Variants in DEPTOR observed in about 807,000 individuals in gnomAD.
DEPTOR encodes DEP domain containing MTOR interacting protein, also known as DEP domain-containing mTOR-interacting protein.
Under a neutral mutation model 41.6 loss-of-function variants are expected in DEPTOR, and 41 were observed. The observed-to-expected ratio is 0.98, with a 90% CI of 0.77 to 1.28. DEPTOR has a LOEUF of 1.28. Ranked by LOEUF, DEPTOR falls within the 50% of genes most tolerant of loss-of-function variation. DEPTOR has a pLI of 0.00. For synonymous variants in DEPTOR, 195 were observed against 192.3 expected, an observed-to-expected ratio of 1.01 and a Z score of -0.12; for missense variants, 514 against 527.9, an observed-to-expected ratio of 0.97 and a Z score of 0.26.
intron 1 of DEPTOR, among the ~76,000 whole-genome samples, chr8:119,898,071 C>T (rs1427053510): frequency 6.6e-6 from 1 of 152,140 alleles, no homozygotes; most frequent in Non-Finnish European, 1.5e-5. Flanking sequence ...ACTATGGCTA[C>T]CTGTATAATA....
At chr8:119,963,390 A>G (rs1180472048) in intron 3 of DEPTOR, among the ~76,000 whole-genome samples, 1 of 151,416 alleles carries the variant, frequency 6.6e-6, no homozygotes, top group Non-Finnish European at 1.5e-5. Context: ...TCCCTCTGTC[A>G]CTCAGGCTGG....
chr8:120,033,740 C>T (rs956939073), intron 8 of DEPTOR, among the ~76,000 whole-genome samples: 26 of 152,154 alleles, frequency 1.7e-4, no homozygotes, highest in Non-Finnish European at 2.5e-4. Flanking sequence ...TCCACATCCA[C>T]GTTTTAATTG....
intron 4 of DEPTOR, among the ~76,000 whole-genome samples, chr8:119,966,391 A>G (rs1469685447): frequency 6.6e-6 from 1 of 152,216 alleles, no homozygotes; most frequent in Non-Finnish European, 1.5e-5. Context: ...TGAAGTATAC[A>G]AAAGGATGTG....
chr8:119,956,771 G>A (rs1463526410), intron 3 of DEPTOR, among the ~76,000 whole-genome samples: 5 of 101,272 alleles, frequency 4.9e-5, no homozygotes, highest in Non-Finnish European at 9.0e-5. Flanking sequence ...GTCTCATTCT[G>A]TCACCCAGGC....
chr8:120,016,499 C>T (rs1385757042), intron 8 of DEPTOR, among the ~76,000 whole-genome samples: 2 of 152,148 alleles, frequency 1.3e-5, no homozygotes, highest in East Asian at 3.9e-4. Flanking sequence ...CAGGGTTTCA[C>T]CATGTTGGTC....
At chr8:119,933,478 A>ACC (rs1353955581) in intron 3 of DEPTOR, among the ~76,000 whole-genome samples, 149 of 151,340 alleles carry the variant, frequency 9.8e-4, no homozygotes, top group Admixed American at 8.1e-3. Context: ...ACACACACAC[A>ACC]CACACACACA....
chr8:119,944,980 C>T (rs1300822060), intron 3 of DEPTOR, among the ~76,000 whole-genome samples: 1 of 152,042 alleles, frequency 6.6e-6, no homozygotes, highest in Non-Finnish European at 1.5e-5. Flanking sequence ...GACACCCTTC[C>T]TCTCTGCTTC....
intron 1 of DEPTOR, among the ~76,000 whole-genome samples, chr8:119,899,117 T>C (rs10093746): frequency 6.6e-6 from 1 of 152,190 alleles, no homozygotes. Context: ...AGATAGAAAG[T>C]CATACTGTTC....
chr8:120,005,039 TC>T (rs901590235), intron 6 of DEPTOR, among the ~76,000 whole-genome samples: 5 of 152,150 alleles, frequency 3.3e-5, no homozygotes, highest in African/African-American at 1.2e-4. Context: ...AAAAAAGTTT[TC>T]CCTAGGCCTC....
At chr8:120,037,723 T>C (rs1812999985) in intron 8 of DEPTOR, among the ~76,000 whole-genome samples, 1 of 152,092 alleles carries the variant, frequency 6.6e-6, no homozygotes, top group South Asian at 2.1e-4. Flanking sequence ...GTAATAAACA[T>C]GGTTATTTGT....
chr8:119,882,998 A>G (rs1827317860), intron 1 of DEPTOR, among the ~76,000 whole-genome samples: 1 of 152,102 alleles, frequency 6.6e-6, no homozygotes, highest in Non-Finnish European at 1.5e-5. Flanking sequence ...CATCGTGAAG[A>G]TGGAGTTGGG....
At chr8:119,914,578 T>C (rs1267819090) in intron 1 of DEPTOR, among the ~76,000 whole-genome samples, 4 of 151,954 alleles carry the variant, frequency 2.6e-5, no homozygotes, top group African/African-American at 7.2e-5. Flanking sequence ...TAGCTGGGAT[T>C]ACAGGTGCTT....
In DEPTOR at chr8:119,942,496, G is replaced by A. The variant is rs56156928; in HGVS notation, c.425+12558G>A. ...GCTGGGATTACAGGCGTGAGCCACC[G>A]CGTCCGGCCGTGACTTGATTTAAAG... On this transcript the variant is annotated intron_variant, in intron 3 of 8. Transcript: ENST00000286234. Among the ~76,000 whole-genome samples the A allele has an allele frequency of 3.9e-4, 60 of 152,234 alleles. No individual in the cohort carries two copies. The Middle Eastern group carries it at 0.024, about 60-fold the overall frequency.
chr8:119,885,680 T>G (rs531848220), intron 1 of DEPTOR, among the ~76,000 whole-genome samples: 1 of 152,286 alleles, frequency 6.6e-6, no homozygotes, highest in South Asian at 2.1e-4. Context: ...TAGGAGTAAG[T>G]TAGAGCTTTT....
At chr8:120,040,182 C>T (rs559644434) in intron 8 of DEPTOR, among the ~76,000 whole-genome samples, 32 of 152,272 alleles carry the variant, frequency 2.1e-4, no homozygotes, top group African/African-American at 7.5e-4. Flanking sequence ...AAACATCAGC[C>T]TTCTTCTTGC....
intron 1 of DEPTOR, among the ~76,000 whole-genome samples, chr8:119,906,824 T>G (rs548163815): frequency 6.6e-6 from 1 of 152,338 alleles, no homozygotes; most frequent in South Asian, 2.1e-4. Flanking sequence ...ACTGTTTATC[T>G]TAGGGTAGTC....
chr8:120,045,669 G>A (rs1036694614), intron 8 of DEPTOR, among the ~76,000 whole-genome samples: 3 of 152,116 alleles, frequency 2.0e-5, no homozygotes, highest in East Asian at 1.9e-4. Context: ...GCCACTGCAC[G>A]TGCCCGGCCT....
chr8:120,008,187 T>C (rs1398844427), intron 7 of DEPTOR, among the ~76,000 whole-genome samples: 8 of 152,208 alleles, frequency 5.3e-5, no homozygotes, highest in Admixed American at 6.5e-5. Context: ...TCACTTCTTT[T>C]CCCCCCTTGG....
intron 1 of DEPTOR, among the ~76,000 whole-genome samples, chr8:119,915,945 T>TAAAAAAAAAAAAAAAAAAAAAAAAAA (rs201870960): frequency 7.9e-6 from 1 of 126,652 alleles, no homozygotes; most frequent in Non-Finnish European, 1.6e-5. Flanking sequence ...CTTCATTTGT[T>TAAAAAAAAAAAAAAAAAAAAAAAAAA]AAAAAAAAAA....
Sources: gnomAD v4.1 joint callset for allele counts (sites outside exome capture counted in the v4.1 genomes callset) on GRCh38, gnomAD v4.1.1 for gene constraint, MANE v1.5 for transcripts, NCBI Gene and HGNC (gene_info 2026-07-23, HGNC 2026-07-21) for gene names.